The following GNG2 variants were observed in gnomAD, a reference collection of about 807,000 sequenced individuals.
The protein encoded by GNG2 is G protein subunit gamma 2.
GNG2 carries 5 observed loss-of-function variants against 5.5 expected under a neutral mutation model. The ratio of observed to expected loss-of-function variants is 0.91; its 90% confidence interval spans 0.48 to 1.92. The LOEUF is 1.92. GNG2 is among the 30% of genes most tolerant of loss of function. The pLI is 0.01. For synonymous variants in GNG2, 28 were observed against 32.0 expected (o/e 0.88, Z 0.42); for missense variants, 55 against 88.4 (o/e 0.62, Z 1.52).
chr14:51,947,708 A>G (rs1263006244), intron 2 of GNG2, among the ~76,000 whole-genome samples: 2 of 152,228 alleles, frequency 1.3e-5, no homozygotes, highest in Non-Finnish European at 2.9e-5. Flanking sequence ...GTAGTAATAT[A>G]TTACAGCAGC....
At chr14:51,944,114 A>G (rs1888504858) in intron 2 of GNG2, among the ~76,000 whole-genome samples, 1 of 152,234 alleles carries the variant, frequency 6.6e-6, no homozygotes, top group Non-Finnish European at 1.5e-5. Flanking sequence ...CCAATGGAAT[A>G]GCATAAAGAG....
intron 2 of GNG2, chr14:51,916,579 G>A (rs61971474): frequency 0.049 from 21,307 of 434,632 alleles, 617 homozygotes; most frequent in African/African-American, 0.083. Context: ...TGCAGCTGGC[G>A]CAGCTTCAAC....
intron 2 of GNG2, among the ~76,000 whole-genome samples, chr14:51,837,193 A>G (rs956398378): frequency 6.6e-6 from 1 of 152,194 alleles, no homozygotes; most frequent in African/African-American, 2.4e-5. Context: ...ATAAAAATAA[A>G]CTGGAAAATC....
chr14:51,923,525 G>GTA (rs977499774), intron 2 of GNG2, among the ~76,000 whole-genome samples: 3 of 145,720 alleles, frequency 2.1e-5, no homozygotes, highest in Non-Finnish European at 3.0e-5. Context: ...ATATATATGT[G>GTA]TATATATATA....
chr14:51,876,829 A>C (rs1250038311), intron 1 of GNG2, among the ~76,000 whole-genome samples: 1 of 152,150 alleles, frequency 6.6e-6, no homozygotes. Flanking sequence ...ACCCTCATTC[A>C]TACTATTCTA....
intron 2 of GNG2, among the ~76,000 whole-genome samples, chr14:51,838,064 G>A (rs775906334): frequency 2.0e-5 from 3 of 152,014 alleles, no homozygotes; most frequent in Non-Finnish European, 4.4e-5. Flanking sequence ...ACACTGAAAA[G>A]ACTTGCTAAT....
chr14:51,846,953 G>T (rs1881645183), intron 2 of GNG2, among the ~76,000 whole-genome samples: 1 of 152,116 alleles, frequency 6.6e-6, no homozygotes, highest in African/African-American at 2.4e-5. Flanking sequence ...GTGGTGCAGC[G>T]GCTGGGATCC....
intron 1 of GNG2, among the ~76,000 whole-genome samples, chr14:51,861,613 G>T (rs996238655): frequency 6.6e-6 from 1 of 152,206 alleles, no homozygotes; most frequent in African/African-American, 2.4e-5. Context: ...GACTGAAGTA[G>T]TAAAACCAGA....
At position 51,829,682 on chromosome 14, in the gene GNG2, C is replaced by G. The variant is rs55700722; in HGVS notation, c.64+1875C>G. 6.9e-3 allele frequency among the ~76,000 whole-genome samples: 1,055 copies of G among 152,206 alleles called. 14 individuals are homozygous for G. The highest frequency in any genetic ancestry group is 0.025 in the African/African-American group (1,023 of 41,514). On this transcript the variant is annotated intron_variant, in intron 2 of 3. Transcript: ENST00000553432. ...ATCTACACTGTCCCCAATTCCTTCC[C>G]TGTCATTCTCCATTAAACTCACTCC...
chr14:51,841,492 T>C (rs1427492476), intron 2 of GNG2: 1 of 701,514 alleles, frequency 1.4e-6, no homozygotes, highest in Non-Finnish European at 2.6e-6. Flanking sequence ...ACTATTTTTC[T>C]CTCCATTTTA....
At chr14:51,962,088 TTGTC>T (rs1156865359) in intron 3 of GNG2, among the ~76,000 whole-genome samples, 2 of 152,338 alleles carry the variant, frequency 1.3e-5, no homozygotes, top group East Asian at 1.9e-4. Context: ...CTTGACTCAT[TTGTC>T]TGTCTGCTCA....
intron 2 of GNG2, among the ~76,000 whole-genome samples, chr14:51,829,011 T>C (rs532738278): frequency 1.3e-5 from 2 of 152,332 alleles, no homozygotes; most frequent in South Asian, 2.1e-4. Flanking sequence ...ACAGTGATGA[T>C]ACTTTGATTC....
chr14:51,949,120 CAAAAA>C (rs1179223330), intron 2 of GNG2, among the ~76,000 whole-genome samples: 1 of 77,030 alleles, frequency 1.3e-5, no homozygotes, highest in Admixed American at 1.5e-4. Flanking sequence ...GACTCCGTCT[CAAAAA>C]AAAAAAAAAA....
At position 51,860,716 on chromosome 14, in the gene GNG2, G is replaced by C. The variant is rs934932751; in HGVS notation, c.-145G>C. The C allele has an allele frequency of 6.5e-6, 1 of 153,012 alleles. No individual in the cohort carries two copies. Among genetic ancestry groups the C allele is most frequent in the African/African-American group, 2.4e-5 (1 of 41,458 alleles). 9.5% of individuals were successfully genotyped at this position (153,012 alleles called of 1,614,324 possible). A position where few individuals can be genotyped will look rare whatever the true frequency, so the allele number is the denominator to read the frequency against. The stretch of plus-strand genomic sequence containing the variant: ...GCTGGGCTGGGCTGGGCTGGGCTGC[G>C]CCGGAGCTCGCCTGCACAGATCAGC... On this transcript the variant is annotated 5_prime_UTR_variant, in exon 1 of 4. Transcript: ENST00000556766.
At chr14:51,929,324 C>T (rs1255056552) in intron 2 of GNG2, among the ~76,000 whole-genome samples, 1 of 152,190 alleles carries the variant, frequency 6.6e-6, no homozygotes, top group East Asian at 1.9e-4. Flanking sequence ...TTCCTATCTA[C>T]CCCCGATGGT....
chr14:51,849,968 C>A (rs1881831592), intron 2 of GNG2, among the ~76,000 whole-genome samples: 1 of 151,998 alleles, frequency 6.6e-6, no homozygotes, highest in African/African-American at 2.4e-5. Flanking sequence ...TACCACCATG[C>A]CTGCCTAATA....
intron 1 of GNG2, among the ~76,000 whole-genome samples, chr14:51,870,127 T>C (rs554797651): frequency 1.3e-5 from 2 of 152,146 alleles, no homozygotes; most frequent in Non-Finnish European, 2.9e-5. Context: ...AGCAATATCA[T>C]ACAACATTGA....
At chr14:51,861,882 G>A (rs1376337939) in intron 1 of GNG2, among the ~76,000 whole-genome samples, 2 of 152,060 alleles carry the variant, frequency 1.3e-5, no homozygotes, top group African/African-American at 2.4e-5. Context: ...TGATAAAAGG[G>A]TTTTTCTTCT....
rs1303243733 is a variant in GNG2 at position 51,850,103 on chromosome 14, T to C, written c.64+22296T>C. ...AATACTAATCACGGAATTAAAACTT[T>C]GTTTCTGGGAGTTTTGAAAGCAGCA... is the stretch of plus-strand genomic sequence containing the variant. On this transcript the variant is annotated intron_variant, in intron 2 of 3. Transcript: ENST00000553432. Among the ~76,000 whole-genome samples the C allele has an allele frequency of 1.3e-5, 2 of 152,204 alleles. 1 individual carries two copies. The highest frequency in any genetic ancestry group is 2.9e-5 in the Non-Finnish European group (2 of 68,044).
Sources: gnomAD v4.1 joint callset for allele counts (sites outside exome capture counted in the v4.1 genomes callset) on GRCh38, gnomAD v4.1.1 for gene constraint, MANE v1.5 for transcripts, NCBI Gene and HGNC (gene_info 2026-07-23, HGNC 2026-07-21) for gene names.